Variants in DGKB observed in about 807,000 individuals in gnomAD.
The protein encoded by DGKB is diacylglycerol kinase beta, also known as 90 kDa diacylglycerol kinase.
DGKB carries 67 observed loss-of-function variants against 114.3 expected under a neutral mutation model. The observed-to-expected ratio is 0.59, with a 90% confidence interval of 0.48 to 0.72. The LOEUF is 0.72. DGKB is among the 30% of genes least tolerant of loss of function. The probability of loss-of-function intolerance (pLI) is 0.00; values close to 1 mark genes in which losing one functional copy is unlikely to be tolerated. For missense variants in DGKB, 907 were observed against 975.2 expected (o/e 0.93, Z 0.93); for synonymous variants, 398 against 323.1 (o/e 1.23, Z -2.49).
At chr7:14,506,425 T>C (rs966179054) in intron 20 of DGKB, among the ~76,000 whole-genome samples, 1 of 152,132 alleles carries the variant, frequency 6.6e-6, no homozygotes, top group Non-Finnish European at 1.5e-5. Context: ...AAAACATTTA[T>C]TAAAAAAAGG....
At chr7:14,880,600 C>T (rs1587139968) in intron 1 of DGKB, among the ~76,000 whole-genome samples, 1 of 152,170 alleles carries the variant, frequency 6.6e-6, no homozygotes, top group East Asian at 1.9e-4. Context: ...TGGATTGCAT[C>T]CTCATGCCAT....
intron 20 of DGKB, among the ~76,000 whole-genome samples, chr7:14,517,423 C>A (rs13232682): frequency 0.44 from 66,339 of 151,438 alleles, 15,298 homozygotes; most frequent in East Asian, 0.73. Flanking sequence ...GAAGACACCA[C>A]AAGCAATTGC....
At chr7:14,318,958 TA>T (rs1256654634) in intron 23 of DGKB, among the ~76,000 whole-genome samples, 3 of 152,152 alleles carry the variant, frequency 2.0e-5, no homozygotes, top group South Asian at 2.1e-4. Context: ...TATGCAGCCA[TA>T]AAAAATGATG....
intron 2 of DGKB, among the ~76,000 whole-genome samples, chr7:14,818,470 G>A (rs1844471573): frequency 1.3e-5 from 2 of 152,090 alleles, no homozygotes; most frequent in Admixed American, 1.3e-4. Flanking sequence ...CAGCGGAAAG[G>A]AGAAACAGCC....
At chr7:14,583,567 A>G (rs188913352) in intron 17 of DGKB, among the ~76,000 whole-genome samples, 1 of 152,296 alleles carries the variant, frequency 6.6e-6, no homozygotes, top group Non-Finnish European at 1.5e-5. Context: ...ATGTCAGTAA[A>G]TATGTCTTTA....
intron 23 of DGKB, among the ~76,000 whole-genome samples, chr7:14,212,801 C>T (rs1330951256): frequency 1.3e-5 from 2 of 152,040 alleles, no homozygotes; most frequent in Non-Finnish European, 2.9e-5. Flanking sequence ...ATTTCACCAC[C>T]ATCCATCTAA....
chr7:14,278,940 G>A (rs947606244), intron 23 of DGKB, among the ~76,000 whole-genome samples: 3 of 152,112 alleles, frequency 2.0e-5, no homozygotes, highest in South Asian at 2.1e-4. Context: ...CGCAGAAGAC[G>A]GGGGATTTCT....
Position 14,826,068 on chromosome 7 carries a change from G to A in DGKB, c.70+15126C>T, listed in dbSNP as rs916494354. On this transcript the variant is annotated intron_variant, in intron 2 of 25. Transcript: ENST00000402815. ...CAGCCTATTTGATTTTGCCTACATC[G>A]CTCTGGGGCTTGCACGAAGTAGCAG... Among the ~76,000 whole-genome samples, 7 of 152,038 alleles carry A rather than the reference G, an allele frequency of 4.6e-5. 1 individual carries two copies. Among genetic ancestry groups the A allele is most frequent in the African/African-American group, 1.2e-4 (5 of 41,418 alleles).
intron 21 of DGKB, among the ~76,000 whole-genome samples, chr7:14,448,355 T>C (rs1831013112): frequency 6.6e-6 from 1 of 151,964 alleles, no homozygotes; most frequent in African/African-American, 2.4e-5. Flanking sequence ...ATGGGTGTGG[T>C]GTTGGGAAGA....
At chr7:14,189,812 GTTA>G (rs1182447222) in intron 23 of DGKB, among the ~76,000 whole-genome samples, 5 of 152,114 alleles carry the variant, frequency 3.3e-5, no homozygotes, top group Non-Finnish European at 5.9e-5. Flanking sequence ...GGCAGAGAAT[GTTA>G]TTATATATAA....
At chr7:14,885,929 G>T (rs551532198) in intron 1 of DGKB, among the ~76,000 whole-genome samples, 1 of 151,824 alleles carries the variant, frequency 6.6e-6, no homozygotes, top group Non-Finnish European at 1.5e-5. Context: ...CCAGGCCAAG[G>T]TGAATCTACG....
At chr7:14,743,599 T>C (rs533223082) in intron 4 of DGKB, among the ~76,000 whole-genome samples, 1 of 152,216 alleles carries the variant, frequency 6.6e-6, no homozygotes, top group Non-Finnish European at 1.5e-5. Flanking sequence ...GTTAGGTACA[T>C]GGGATCTCCA....
chr7:14,313,458 C>A (rs565233133), intron 23 of DGKB, among the ~76,000 whole-genome samples: 3 of 152,124 alleles, frequency 2.0e-5, no homozygotes, highest in Non-Finnish European at 4.4e-5. Flanking sequence ...TTGCCTCACT[C>A]GGGAAGCGCA....
chr7:14,356,521 C>A (rs1814557047), intron 21 of DGKB, among the ~76,000 whole-genome samples: 2 of 151,892 alleles, frequency 1.3e-5, no homozygotes, highest in Admixed American at 1.3e-4. Context: ...GCAACCACGC[C>A]CAGCTAATTT....
chr7:14,728,919 C>A (rs1830426156), intron 5 of DGKB, among the ~76,000 whole-genome samples: 1 of 151,814 alleles, frequency 6.6e-6, no homozygotes, highest in Non-Finnish European at 1.5e-5. Context: ...CCAGGCTGGT[C>A]TCAAACTCCT....
intron 23 of DGKB, among the ~76,000 whole-genome samples, chr7:14,305,549 T>C (rs1585036591): frequency 6.6e-6 from 1 of 152,180 alleles, no homozygotes; most frequent in African/African-American, 2.4e-5. Flanking sequence ...ACATTTGGGA[T>C]TCCTATTCAG....
intron 2 of DGKB, among the ~76,000 whole-genome samples, chr7:14,794,528 G>A (rs1468868442): frequency 6.6e-6 from 1 of 152,100 alleles, no homozygotes; most frequent in Non-Finnish European, 1.5e-5. Context: ...CATAAGCTAA[G>A]GATTTGAATT....
intron 20 of DGKB, among the ~76,000 whole-genome samples, chr7:14,512,504 C>A (rs1788133053): frequency 6.6e-6 from 1 of 152,104 alleles, no homozygotes; most frequent in Admixed American, 6.6e-5. Flanking sequence ...CATTAGCTTG[C>A]TGGAATGCTC....
At chr7:14,250,626 A>G (rs1795092325) in intron 23 of DGKB, among the ~76,000 whole-genome samples, 1 of 152,024 alleles carries the variant, frequency 6.6e-6, no homozygotes, top group Non-Finnish European at 1.5e-5. Context: ...GCTGTGTTGG[A>G]TGGAATGTTC....
Sources: allele counts gnomAD v4.1 joint callset (sites outside exome capture counted in the v4.1 genomes callset), GRCh38; gene constraint gnomAD v4.1.1; transcripts MANE v1.5; gene names NCBI Gene and HGNC (gene_info 2026-07-23, HGNC 2026-07-21).